SPON1: variants seen among roughly 807,000 people sequenced by gnomAD.
The protein encoded by SPON1 is spondin-1.
A neutral mutation model predicts 111.7 loss-of-function variants in SPON1; 52 were observed. That is an observed-to-expected ratio of 0.47 (90% CI 0.37 to 0.59). SPON1 has a LOEUF of 0.59. SPON1 is among the 20% of genes least tolerant of loss of function. The pLI, the probability that SPON1 is intolerant of heterozygous loss-of-function variation, is 0.00. For synonymous variants in SPON1, 410 were observed against 395.8 expected, an observed-to-expected ratio of 1.04 and a Z score of -0.43; for missense variants, 957 against 1,068.5, an observed-to-expected ratio of 0.90 and a Z score of 1.46.
chr11:13,962,901 G>A lies in SPON1; in HGVS notation c.-4G>A, dbSNP rs1158721483. The A allele has an allele frequency of 2.2e-5, 34 of 1,514,186 alleles. No individual in the cohort carries two copies. The highest frequency in any genetic ancestry group is 2.8e-5 in the Non-Finnish European group (32 of 1,135,960). 93.8% of individuals were successfully genotyped at this position (1,514,186 alleles called of 1,614,324 possible). A position where few individuals can be genotyped will look rare whatever the true frequency, so the allele number is the denominator to read the frequency against. On this transcript the variant is annotated 5_prime_UTR_variant, in exon 1 of 16. Coordinates refer to ENST00000576479, the MANE Select transcript of SPON1 (RefSeq NM_006108.4). ...GCCGCGGCACAAAGTTGGGGGCCGC[G>A]AAGATGAGGCTGTCCCCGGCGCCCC...
At chr11:14,101,174 C>G (rs575918673) in intron 5 of SPON1, among the ~76,000 whole-genome samples, 29 of 151,812 alleles carry the variant, frequency 1.9e-4, no homozygotes, top group Admixed American at 3.9e-4. Context: ...CTGAGGTGGG[C>G]GGATCACCCA....
intron 2 of SPON1, among the ~76,000 whole-genome samples, chr11:14,003,449 G>A (rs1591347243): frequency 6.6e-6 from 1 of 152,148 alleles, no homozygotes; most frequent in Non-Finnish European, 1.5e-5. Flanking sequence ...TTGGCTCAGG[G>A]ATGGGGCCAG....
intron 7 of SPON1, among the ~76,000 whole-genome samples, chr11:14,253,247 C>T (rs1221262734): frequency 6.6e-6 from 1 of 152,340 alleles, no homozygotes; most frequent in East Asian, 1.9e-4. Flanking sequence ...CTTTTCCTCC[C>T]ACCTGTCCCC....
intron 2 of SPON1, among the ~76,000 whole-genome samples, chr11:14,029,917 A>G (rs891321124): frequency 2.8e-4 from 43 of 152,302 alleles, no homozygotes; most frequent in African/African-American, 9.9e-4. Context: ...AGATAAGGAG[A>G]ATCAGTCCAG....
At chr11:14,213,194 G>C (rs1230968028) in intron 6 of SPON1, among the ~76,000 whole-genome samples, 2 of 152,122 alleles carry the variant, frequency 1.3e-5, no homozygotes, top group East Asian at 3.9e-4. Context: ...TTTTGAAATG[G>C]AGCCCAATTA....
chr11:14,255,983 A>G (rs1237979571), intron 9 of SPON1, among the ~76,000 whole-genome samples, 196 bp downstream of exon 9: 2 of 152,228 alleles, frequency 1.3e-5, no homozygotes, highest in Non-Finnish European at 1.5e-5. Flanking sequence ...ACTGTAGCCC[A>G]TGCCTGTAAT....
rs1849149905 is a variant in SPON1, at chr11:14,259,624, T to C, written c.1754T>C (p.Ile585Thr). The C allele has an allele frequency of 6.4e-7, 1 of 1,561,672 alleles. No homozygotes were observed. Among genetic ancestry groups the C allele is most frequent in the Admixed American group, 1.9e-5 (1 of 52,022 alleles). The change falls in exon 13 of 16, where the codon ATC becomes ACC. Residue 585 changes from isoleucine to threonine, a missense_variant. This residue lies in a region of SPON1 where 549 missense variants were observed against 606.2 expected (regional missense o/e 0.91). Coordinates refer to ENST00000576479, the MANE Select transcript of SPON1 (RefSeq NM_006108.4). This position sits in a 1 kb window ranked among gnomAD's most constrained non-coding sequence, Gnocchi z 5.0. ...GGCATGAAGAAGCGGCACCGCATGA[T>C]CAAGATGAACCCCGCAGATGGCTCC... ...GMGMKKRHRM[I>T]KMNPADGSMC...
At chr11:14,176,825 A>G (rs1240626097) in intron 6 of SPON1, among the ~76,000 whole-genome samples, 1 of 152,196 alleles carries the variant, frequency 6.6e-6, no homozygotes, top group East Asian at 1.9e-4. Flanking sequence ...AACCACAGGC[A>G]TGTAGCCACA....
At chr11:13,975,088 T>C (rs1202140650) in intron 1 of SPON1, among the ~76,000 whole-genome samples, 3 of 152,228 alleles carry the variant, frequency 2.0e-5, no homozygotes, top group African/African-American at 7.2e-5. Context: ...GCAGATGTTC[T>C]CTCCTCTGCA....
intron 7 of SPON1, among the ~76,000 whole-genome samples, chr11:14,251,629 G>A (rs1849054422): frequency 6.6e-6 from 1 of 152,184 alleles, no homozygotes; most frequent in Non-Finnish European, 1.5e-5. Flanking sequence ...AGGAAGACAG[G>A]AAGGCAATAG....
chr11:13,984,030 C>T (rs140760929), intron 2 of SPON1, among the ~76,000 whole-genome samples: 13 of 152,248 alleles, frequency 8.5e-5, no homozygotes, highest in African/African-American at 2.9e-4. Flanking sequence ...CTTAATTCCA[C>T]GCTCACCGTA....
At chr11:14,102,233 C>T (rs1365826251) in intron 5 of SPON1, among the ~76,000 whole-genome samples, 3 of 152,068 alleles carry the variant, frequency 2.0e-5, no homozygotes, top group African/African-American at 7.2e-5. Context: ...TATCATATCA[C>T]TATAATGTAA....
chr11:14,090,110 G>A (rs941081438), intron 5 of SPON1, among the ~76,000 whole-genome samples: 4 of 149,992 alleles, frequency 2.7e-5, no homozygotes, highest in Admixed American at 6.7e-5. Flanking sequence ...GGCTGAGCAA[G>A]ACCACTTGGT....
chr11:14,038,749 G>A (rs1304260307), intron 2 of SPON1, among the ~76,000 whole-genome samples: 3 of 152,182 alleles, frequency 2.0e-5, no homozygotes, highest in African/African-American at 2.4e-5. Context: ...AATTGTTGCT[G>A]GTGGAAATGC....
At chr11:14,060,135 T>C (rs1440578731) in intron 3 of SPON1, among the ~76,000 whole-genome samples, 1 of 152,258 alleles carries the variant, frequency 6.6e-6, no homozygotes, top group East Asian at 1.9e-4. Context: ...AACATCATAA[T>C]AATTGTGAGA....
intron 6 of SPON1, among the ~76,000 whole-genome samples, chr11:14,229,412 G>A (rs1370863842): frequency 1.3e-5 from 2 of 152,262 alleles, no homozygotes; most frequent in East Asian, 1.9e-4. Context: ...CCTTTGGTGC[G>A]TGGGCATGAC....
chr11:14,113,555 A>C (rs1238575690), intron 5 of SPON1, among the ~76,000 whole-genome samples: 7 of 94,562 alleles, frequency 7.4e-5, no homozygotes, highest in Admixed American at 2.3e-4. Flanking sequence ...GTCACCTCCT[A>C]TGTACTTTTT....
chr11:13,970,535 T>G (rs1254844740), intron 1 of SPON1, among the ~76,000 whole-genome samples: 2 of 152,080 alleles, frequency 1.3e-5, no homozygotes, highest in Non-Finnish European at 2.9e-5. Flanking sequence ...GTGGGCACAG[T>G]CACAGCAGGA....
chr11:14,240,230 G>A (rs547551942), intron 6 of SPON1, among the ~76,000 whole-genome samples: 1 of 152,306 alleles, frequency 6.6e-6, no homozygotes, highest in South Asian at 2.1e-4. Flanking sequence ...CCATGAATGA[G>A]CAAGATTCTC....
Sources: allele counts gnomAD v4.1 joint callset (sites outside exome capture counted in the v4.1 genomes callset), GRCh38; gene constraint gnomAD v4.1.1; regional missense constraint gnomAD v4.1.1; non-coding constraint Gnocchi (gnomAD v3.1); transcripts MANE v1.5; gene names NCBI Gene and HGNC (gene_info 2026-07-23, HGNC 2026-07-21).